Variants in PDE1C observed in about 807,000 individuals in gnomAD.
PDE1C encodes dual specificity calcium/calmodulin-dependent 3',5'-cyclic nucleotide phosphodiesterase 1C.
Under a neutral mutation model 93.1 loss-of-function variants are expected in PDE1C, and 62 were observed. That is an observed-to-expected ratio of 0.67 (90% CI 0.54 to 0.82). The LOEUF (loss-of-function observed/expected upper bound fraction) is 0.82, where lower values mean the gene tolerates loss of function less well. Among genes scored for constraint, PDE1C ranks in the 40% least tolerant of loss-of-function variants. The pLI, the probability that PDE1C is intolerant of heterozygous loss-of-function variation, is 0.00. For missense variants in PDE1C, 742 were observed against 884.6 expected (o/e 0.84, Z 2.04); for synonymous variants, 325 against 310.1 (o/e 1.05, Z -0.50).
At chr7:31,808,492 T>C (rs542352291) in intron 16 of PDE1C, among the ~76,000 whole-genome samples, 2 of 152,134 alleles carry the variant, frequency 1.3e-5, no homozygotes, top group Non-Finnish European at 2.9e-5. Context: ...TGCATTGTCA[T>C]TGCCTTTAGG....
Position 32,101,701 on chromosome 7 carries a change from A to G in PDE1C, c.308+68084T>C, listed in dbSNP as rs140920307. ...ATGCTTCTTAGCCTGCAGAACCGTGAGCCAAAAATAAACCTCTTTTCTTTA... is the reference window on the plus strand; with the variant it reads ...ATGCTTCTTAGCCTGCAGAACCGTGGGCCAAAAATAAACCTCTTTTCTTTA... On this transcript the variant is annotated intron_variant, in intron 3 of 18. Transcript: ENST00000396193. Among the ~76,000 whole-genome samples the G allele has an allele frequency of 5.8e-3, 879 of 152,314 alleles. 7 individuals carry two copies. The highest frequency in any genetic ancestry group is 0.02 in the African/African-American group (817 of 41,568).
At chr7:32,083,180 A>G (rs56798188) in intron 3 of PDE1C, among the ~76,000 whole-genome samples, 7,522 of 152,202 alleles carry the variant, frequency 0.049, 613 homozygotes, top group African/African-American at 0.17. Context: ...CTGAAAGCCA[A>G]GGCTTGAGAA....
intron 1 of PDE1C, among the ~76,000 whole-genome samples, chr7:32,285,875 C>T (rs1215012835): frequency 6.6e-6 from 1 of 151,850 alleles, no homozygotes; most frequent in East Asian, 1.9e-4. Context: ...AAACTAAGTC[C>T]AAGCGTTTGC....
intron 2 of PDE1C, among the ~76,000 whole-genome samples, chr7:31,888,267 A>AG (rs558021688): frequency 6.6e-6 from 1 of 150,520 alleles, no homozygotes; most frequent in Non-Finnish European, 1.5e-5. Flanking sequence ...AAAAAAAAAA[A>AG]AAAAAAGAAA....
At chr7:32,425,989 T>C (rs1277418949) in intron 1 of PDE1C, among the ~76,000 whole-genome samples, 5 of 152,068 alleles carry the variant, frequency 3.3e-5, no homozygotes, top group African/African-American at 1.2e-4. Context: ...AAAAATGTGG[T>C]AATATCCTTT....
At chr7:31,843,864 T>C (rs865776543) in intron 9 of PDE1C, among the ~76,000 whole-genome samples, 1 of 151,868 alleles carries the variant, frequency 6.6e-6, no homozygotes, top group African/African-American at 2.4e-5. Flanking sequence ...TTTTGATAAA[T>C]AGGTAAACTT....
chr7:32,248,278 C>T (rs977132796), intron 1 of PDE1C, among the ~76,000 whole-genome samples: 1 of 151,880 alleles, frequency 6.6e-6, no homozygotes, highest in African/African-American at 2.4e-5. Flanking sequence ...GAGAAGTCCT[C>T]GAGGGAAAGA....
intron 2 of PDE1C, among the ~76,000 whole-genome samples, chr7:31,886,485 T>C (rs1370160026): frequency 2.0e-5 from 3 of 152,176 alleles, no homozygotes; most frequent in South Asian, 2.1e-4. Context: ...CTGGGAGAGA[T>C]AGGCTCTAGG....
chr7:32,299,878 G>A (rs1812839688), upstream of PDE1C, among the ~76,000 whole-genome samples: 1 of 152,196 alleles, frequency 6.6e-6, no homozygotes, highest in South Asian at 2.1e-4. Context: ...TCACACAGAA[G>A]AGTCCACGGT....
At chr7:32,137,630 A>G (rs1468793245) in intron 3 of PDE1C, among the ~76,000 whole-genome samples, 2 of 152,212 alleles carry the variant, frequency 1.3e-5, no homozygotes, top group Non-Finnish European at 2.9e-5. Flanking sequence ...TTAAATAACA[A>G]AAAGAGCCAA....
chr7:31,894,453 G>A (rs564474378), intron 2 of PDE1C, among the ~76,000 whole-genome samples: 2 of 152,226 alleles, frequency 1.3e-5, no homozygotes, highest in Non-Finnish European at 2.9e-5. Flanking sequence ...ATATTTGCTG[G>A]AAGTGAGGCT....
chr7:31,952,002 G>A (rs1437409426), intron 2 of PDE1C, among the ~76,000 whole-genome samples: 2 of 152,136 alleles, frequency 1.3e-5, no homozygotes, highest in African/African-American at 4.8e-5. Flanking sequence ...CTATGTACCA[G>A]GAACTGTACT....
At chr7:31,779,607 G>A (rs543444015) in intron 16 of PDE1C, among the ~76,000 whole-genome samples, 3 of 152,222 alleles carry the variant, frequency 2.0e-5, no homozygotes, top group Non-Finnish European at 2.9e-5. Context: ...TCAGGACAGG[G>A]ATGAAGCCAT....
intron 3 of PDE1C, among the ~76,000 whole-genome samples, chr7:32,097,979 C>T (rs1465469177): frequency 6.7e-6 from 1 of 149,434 alleles, no homozygotes; most frequent in Non-Finnish European, 1.5e-5. Flanking sequence ...GCCTGTAATC[C>T]CAGCACTTTG....
chr7:32,129,142 C>T (rs1047818777), intron 3 of PDE1C, among the ~76,000 whole-genome samples: 5 of 150,792 alleles, frequency 3.3e-5, no homozygotes, highest in African/African-American at 1.2e-4. Flanking sequence ...CTTGAAAAAA[C>T]AGAATTGACA....
chr7:32,279,863 T>A (rs999055054), intron 1 of PDE1C, among the ~76,000 whole-genome samples: 1 of 152,174 alleles, frequency 6.6e-6, no homozygotes, highest in African/African-American at 2.4e-5. Context: ...TTTCTTGGTC[T>A]GATGAAAAGT....
At chr7:31,647,315 G>A in the PDE1C span, among the ~76,000 whole-genome samples, 1 of 152,096 alleles carries the variant, frequency 6.6e-6, no homozygotes, top group Admixed American at 6.6e-5. Flanking sequence ...ATATTAACAG[G>A]ACATAGCTCT....
the PDE1C span, among the ~76,000 whole-genome samples, chr7:31,645,578 G>A: frequency 5.3e-5 from 8 of 151,722 alleles, no homozygotes; most frequent in East Asian, 1.9e-4. Context: ...CAGTAGGGTC[G>A]TCATCACCAT....
intron 6 of PDE1C, among the ~76,000 whole-genome samples, chr7:31,870,381 G>A (rs890879952): frequency 6.6e-6 from 1 of 151,762 alleles, no homozygotes; most frequent in Non-Finnish European, 1.5e-5. Flanking sequence ...AAAAAAAAGA[G>A]AAGATCCAAA....
Sources: allele counts gnomAD v4.1 joint callset (sites outside exome capture counted in the v4.1 genomes callset), GRCh38; gene constraint gnomAD v4.1.1; transcripts MANE v1.5; gene names NCBI Gene and HGNC (gene_info 2026-07-23, HGNC 2026-07-21).